TRPM8: variants seen among roughly 807,000 people sequenced by gnomAD.
The protein encoded by TRPM8 is transient receptor potential cation channel subfamily M member 8, also known as TRPM8 cationic channel.
Under a neutral mutation model 133.7 loss-of-function variants are expected in TRPM8, and 110 were observed. That is an observed-to-expected ratio of 0.82 (90% confidence interval 0.70 to 0.96). TRPM8 has a LOEUF of 0.96. TRPM8 is among the 40% of genes least tolerant of loss of function. TRPM8 has a pLI of 0.00. For missense variants in TRPM8, 1,291 were observed against 1,379.5 expected, an observed-to-expected ratio of 0.94 and a Z score of 1.02; for synonymous variants, 535 against 532.3, an observed-to-expected ratio of 1.01 and a Z score of -0.07.
At position 233,989,141 on chromosome 2, in the gene TRPM8, A is replaced by G. The variant is rs564964566; in HGVS notation, c.2939+3276A>G. 6.6e-6 allele frequency among the ~76,000 whole-genome samples: 1 copy of G among 152,330 alleles called. No individual in the cohort carries two copies. Among genetic ancestry groups the G allele is most frequent in the South Asian group, 2.1e-4 (1 of 4,820 alleles). On this transcript the variant is annotated intron_variant, in intron 21 of 25. Coordinates refer to ENST00000324695, the MANE Select transcript of TRPM8 (RefSeq NM_024080.5). This position sits in a 1 kb window ranked among gnomAD's most constrained non-coding sequence, Gnocchi z 4.2. ...GAGCTTTTTTGAATCTATGCACATGAGCTGTCTGAAGGAGCCATTCATGAG... is the reference window on the plus strand; with the variant it reads ...GAGCTTTTTTGAATCTATGCACATGGGCTGTCTGAAGGAGCCATTCATGAG...
At chr2:233,986,182 C>T (rs966691199) in intron 21 of TRPM8, among the ~76,000 whole-genome samples, 17 of 152,332 alleles carry the variant, frequency 1.1e-4, no homozygotes, top group Admixed American at 2.0e-4. Flanking sequence ...CCATTGGTGA[C>T]GGAAATGTAG....
In TRPM8 at chr2:233,934,896, T is replaced by C. The variant is rs1353093677; in HGVS notation, c.192-2457T>C. Among the ~76,000 whole-genome samples the C allele has an allele frequency of 2.0e-5, 3 of 152,246 alleles. No homozygotes were observed. The East Asian group carries it at 5.8e-4, about 29-fold the overall frequency. On this transcript the variant is annotated intron_variant, in intron 3 of 25. Coordinates refer to ENST00000324695, the MANE Select transcript of TRPM8 (RefSeq NM_024080.5). ...ATAGAAATGCATATCACTATTACCATCTTGTAAATGAAAATGTGACCTCCT... is the reference window on the plus strand; with the variant it reads ...ATAGAAATGCATATCACTATTACCACCTTGTAAATGAAAATGTGACCTCCT...
chr2:233,985,083 GA>G (rs11305740), intron 20 of TRPM8, among the ~76,000 whole-genome samples: 36,212 of 146,342 alleles, frequency 0.25, 5,336 homozygotes, highest in Non-Finnish European at 0.34. Context: ...GATTCTGTCT[GA>G]AAAAAAAAAA....
intron 14 of TRPM8, 67 bp downstream of exon 14, chr2:233,964,824 G>A (rs1691526901): frequency 1.3e-6 from 2 of 1,503,580 alleles, no homozygotes; most frequent in East Asian, 2.3e-5. Flanking sequence ...ATTGCCAGCG[G>A]CACTCATAGA....
chr2:233,972,635 G>A (rs986978997), intron 17 of TRPM8, among the ~76,000 whole-genome samples: 1 of 152,234 alleles, frequency 6.6e-6, no homozygotes, highest in Non-Finnish European at 1.5e-5. Context: ...GCTACGGCCC[G>A]GTGAGAAATT....
intron 9 of TRPM8, chr2:233,953,709 G>A: frequency 2.4e-6 from 1 of 422,514 alleles, no homozygotes; most frequent in South Asian, 3.3e-5. Context: ...GAGGCTCTCA[G>A]CTTTTTGATA....
intron 22 of TRPM8, among the ~76,000 whole-genome samples, chr2:233,999,527 C>A (rs1490056038): frequency 6.6e-6 from 1 of 151,826 alleles, no homozygotes; most frequent in Non-Finnish European, 1.5e-5. Flanking sequence ...GTTTGGCCAT[C>A]GTGGCCCTGT....
rs1311524650 is a variant in TRPM8, at chr2:233,927,950, CTCTCTCTCTCTT to C, written c.117+1300_117+1311del. 3.1e-3 allele frequency among the ~76,000 whole-genome samples: 226 copies of C among 72,860 alleles called. 33 individuals carry two copies. The highest frequency in any genetic ancestry group is 7.9e-3 in the African/African-American group (76 of 9,650). 47.8% of individuals were successfully genotyped at this position (72,860 alleles called of 152,430 possible). A position where few individuals can be genotyped will look rare whatever the true frequency, so the allele number is the denominator to read the frequency against. On this transcript the variant is annotated intron_variant, in intron 2 of 25. Transcript: ENST00000324695. ...TCTCTCTCTCTCTCTCTCTCTCTCT[CTCTCTCTCTCTT>C]TCTTTCTTTCTTTCTTTTTTTTTTT...
chr2:233,924,051 G>T (rs897803477), intron 1 of TRPM8, among the ~76,000 whole-genome samples: 6 of 152,208 alleles, frequency 3.9e-5, no homozygotes, highest in Non-Finnish European at 5.9e-5. Flanking sequence ...TGGGGGGAAA[G>T]TGTTGAATGC....
chr2:233,926,753 G>T, intron 2 of TRPM8, 99 bp downstream of exon 2: 1 of 891,508 alleles, frequency 1.1e-6, no homozygotes, highest in Non-Finnish European at 1.8e-6. Flanking sequence ...CATTTTAAAT[G>T]CCATGTCTTT....
At chr2:233,983,292 G>A in intron 20 of TRPM8, 68 bp downstream of exon 20, 2 of 1,594,932 alleles carry the variant, frequency 1.3e-6, no homozygotes, top group Non-Finnish European at 1.7e-6. Flanking sequence ...CAACCCCCAG[G>A]GCTGCCCCGG....
At chr2:233,955,844 TC>T (rs1230147956) in intron 11 of TRPM8, among the ~76,000 whole-genome samples, 1 of 152,158 alleles carries the variant, frequency 6.6e-6, no homozygotes, top group Non-Finnish European at 1.5e-5. Context: ...TTACACCAGC[TC>T]CCCATTGCTC....
chr2:233,949,132 G>T (rs1691114531), intron 8 of TRPM8, among the ~76,000 whole-genome samples: 1 of 152,164 alleles, frequency 6.6e-6, no homozygotes, highest in Non-Finnish European at 1.5e-5. Context: ...GACCACCTGT[G>T]GTGCAGACAC....
At chr2:233,961,397 C>T (rs968926751) in intron 12 of TRPM8, among the ~76,000 whole-genome samples, 4 of 152,106 alleles carry the variant, frequency 2.6e-5, no homozygotes, top group African/African-American at 9.7e-5. Context: ...TCTCTGCCTC[C>T]TGGGTTCAAG....
chr2:233,927,752 TTC>T (rs769726120), intron 2 of TRPM8, among the ~76,000 whole-genome samples: 1 of 66,358 alleles, frequency 1.5e-5, no homozygotes, highest in Non-Finnish European at 2.3e-5. Flanking sequence ...CTTTCTTTCT[TTC>T]TTTCTTTCTT....
rs777340595 is a variant in TRPM8, at chr2:233,996,522, TG to T, written c.3130+8del. On this transcript the variant is annotated splice_region_variant and intron_variant, in intron 22 of 25. Coordinates refer to ENST00000324695, the MANE Select transcript of TRPM8 (RefSeq NM_024080.5). Reference sequence around the variant, plus strand: ...CATGGAGTCTTCTGTCTGCTGTGAGTGGTTTATCCATGTGTACTTGGGATCA... The same window carrying T: ...CATGGAGTCTTCTGTCTGCTGTGAGTGTTTATCCATGTGTACTTGGGATCA... 1.2e-6 allele frequency: 2 copies of T among 1,613,846 alleles called. No homozygotes were observed. The highest frequency in any genetic ancestry group is 2.2e-5 in the South Asian group (2 of 91,050).
intron 11 of TRPM8, 103 bp from the exon 12 acceptor site, chr2:233,960,656 TTGAAGATATTATTACTC>T (rs1363837720): frequency 1.3e-6 from 1 of 749,062 alleles, no homozygotes; most frequent in Non-Finnish European, 2.2e-6. Flanking sequence ...GAAAGAGAAG[TTGAAGATATTATTACTC>T]TGTGGCTGGA....
chr2:233,985,545 C>A, intron 20 of TRPM8, 143 bp from the exon 21 acceptor site: 1 of 705,356 alleles, frequency 1.4e-6, no homozygotes. Flanking sequence ...ATTCTAAGGA[C>A]TATGACTTGT....
chr2:233,978,661 G>T (rs1399180932), intron 17 of TRPM8, among the ~76,000 whole-genome samples: 9 of 152,108 alleles, frequency 5.9e-5, no homozygotes, highest in Admixed American at 5.9e-4. Flanking sequence ...TTCCTTGAAT[G>T]ATGGACCACA....
Sources: gnomAD v4.1 joint callset for allele counts (sites outside exome capture counted in the v4.1 genomes callset) on GRCh38, gnomAD v4.1.1 for gene constraint, Gnocchi (gnomAD v3.1) non-coding constraint, MANE v1.5 for transcripts, NCBI Gene and HGNC (gene_info 2026-07-23, HGNC 2026-07-21) for gene names.